The following PCDH7 variants were observed in gnomAD, a reference collection of about 807,000 sequenced individuals.
PCDH7 encodes protocadherin 7.
Under a neutral mutation model 58.9 loss-of-function variants are expected in PCDH7, and 17 were observed. The ratio of observed to expected loss-of-function variants is 0.29; its 90% confidence interval spans 0.20 to 0.43. PCDH7 has a LOEUF of 0.43. Among genes scored for constraint, PCDH7 ranks in the 20% least tolerant of loss-of-function variants. PCDH7 has a pLI of 1.00. For synonymous variants in PCDH7, 664 were observed against 616.4 expected, an observed-to-expected ratio of 1.08 and a Z score of -1.14; for missense variants, 1,274 against 1,441.0, an observed-to-expected ratio of 0.88 and a Z score of 1.88.
intron 1 of PCDH7, among the ~76,000 whole-genome samples, chr4:30,880,615 ATCT>A (rs1736843505): frequency 6.6e-6 from 1 of 152,190 alleles, no homozygotes; most frequent in Admixed American, 6.5e-5. Context: ...CAGGAGTTCT[ATCT>A]TCTTGCCTAT....
At chr4:31,015,184 T>A (rs1452883712) in intron 3 of PCDH7, among the ~76,000 whole-genome samples, 1 of 152,196 alleles carries the variant, frequency 6.6e-6, no homozygotes, top group African/African-American at 2.4e-5. Flanking sequence ...TTTCTCATAA[T>A]GGAAACAGCG....
chr4:30,728,380 C>T (rs1297369584), intron 1 of PCDH7, among the ~76,000 whole-genome samples: 4 of 151,076 alleles, frequency 2.6e-5, no homozygotes, highest in Non-Finnish European at 4.4e-5. Context: ...ACCATAGCTT[C>T]CAGTGCTCAT....
chr4:30,766,265 G>A (rs185153605), intron 1 of PCDH7, among the ~76,000 whole-genome samples: 26 of 152,222 alleles, frequency 1.7e-4, no homozygotes, highest in Admixed American at 5.9e-4. Context: ...GAAGGGTGGT[G>A]CATGCCAGAA....
chr4:30,912,932 G>A (rs1741979633), intron 1 of PCDH7, among the ~76,000 whole-genome samples: 2 of 152,020 alleles, frequency 1.3e-5, no homozygotes, highest in African/African-American at 4.8e-5. Flanking sequence ...CCGATTGTGG[G>A]ACATAATATT....
intron 1 of PCDH7, among the ~76,000 whole-genome samples, chr4:30,891,394 A>G (rs769407058): frequency 5.9e-5 from 9 of 152,076 alleles, no homozygotes; most frequent in Non-Finnish European, 1.3e-4. Flanking sequence ...TTTTTTATAC[A>G]TTATGTAGAA....
downstream of PCDH7, chr4:31,144,584 T>A (rs1021325951): frequency 6.6e-6 from 1 of 152,194 alleles, no homozygotes; most frequent in Non-Finnish European, 1.5e-5. Context: ...TAGCTTTGGG[T>A]AGTTTCATGC....
chr4:31,072,609 A>C (rs1322119479), intron 3 of PCDH7, among the ~76,000 whole-genome samples: 1 of 152,108 alleles, frequency 6.6e-6, no homozygotes, highest in Non-Finnish European at 1.5e-5. Context: ...GGGCAACTTT[A>C]AGAGTGAGGA....
chr4:30,787,406 G>A (rs537617083), intron 1 of PCDH7, among the ~76,000 whole-genome samples: 3 of 152,176 alleles, frequency 2.0e-5, no homozygotes, highest in South Asian at 4.1e-4. Flanking sequence ...CAGGGAAAGT[G>A]AGAATCTAGT....
At chr4:30,951,560 C>T (rs929280511) in intron 3 of PCDH7, among the ~76,000 whole-genome samples, 9 of 152,048 alleles carry the variant, frequency 5.9e-5, no homozygotes, top group African/African-American at 1.7e-4. Context: ...TAGGTCCCTC[C>T]GTCTGGAAGG....
rs145794842 is a variant in PCDH7, at chr4:30,825,656, G to A, written c.71-94497G>A. Among the ~76,000 whole-genome samples, 430 of 152,254 alleles carry A rather than the reference G, an allele frequency of 2.8e-3. 3 individuals carry two copies. The highest frequency in any genetic ancestry group is 9.5e-3 in the African/African-American group (396 of 41,554). On this transcript the variant is annotated intron_variant, in intron 1 of 3. Transcript: ENST00000509759. ...CATAAAAGCTCAAAGAATGCATGCA[G>A]CAATGACAAGGAATGGGTCAAAATT... is the stretch of plus-strand genomic sequence containing the variant.
chr4:31,011,339 A>T (rs140233718), intron 3 of PCDH7, among the ~76,000 whole-genome samples: 1 of 152,056 alleles, frequency 6.6e-6, no homozygotes, highest in Non-Finnish European at 1.5e-5. Context: ...AAATACGGTC[A>T]CTATTCTTGG....
intron 3 of PCDH7, among the ~76,000 whole-genome samples, chr4:31,089,416 T>C (rs1712928480): frequency 6.6e-6 from 1 of 151,982 alleles, no homozygotes; most frequent in African/African-American, 2.4e-5. Flanking sequence ...GCCAAGAAAA[T>C]TTTTTTCTTA....
chr4:30,822,049 G>A (rs1406289854), intron 1 of PCDH7, among the ~76,000 whole-genome samples: 25 of 152,050 alleles, frequency 1.6e-4, no homozygotes, highest in Non-Finnish European at 7.4e-5. Flanking sequence ...CAAACGATCG[G>A]TATCTCAGAT....
intron 1 of PCDH7, among the ~76,000 whole-genome samples, chr4:30,911,485 G>C (rs1009080275): frequency 6.6e-6 from 1 of 152,088 alleles, no homozygotes; most frequent in African/African-American, 2.4e-5. Context: ...TACAGAAAAA[G>C]TTTGCCAGAC....
Position 30,935,943 on chromosome 4 carries a change from G to A in PCDH7, c.288-14177G>A, listed in dbSNP as rs574554128. Among the ~76,000 whole-genome samples, 3 of 152,026 alleles carry A rather than the reference G, an allele frequency of 2.0e-5. No homozygotes were observed. In the East Asian group the frequency reaches 5.8e-4, roughly 29 times the overall value. On this transcript the variant is annotated intron_variant, in intron 2 of 3. Coordinates refer to the PCDH7 transcript ENST00000509759. The stretch of plus-strand genomic sequence containing the variant: ...AAAGGCTTCATGAAGTAATCTAAAG[G>A]CACCACGTCATCACAGTGTCAGAGA...
At chr4:31,090,183 G>C (rs923849770) in intron 3 of PCDH7, among the ~76,000 whole-genome samples, 2 of 151,992 alleles carry the variant, frequency 1.3e-5, no homozygotes, top group Non-Finnish European at 2.9e-5. Context: ...CCTAATGAGA[G>C]AGGATCCTTG....
chr4:31,058,986 C>G (rs1187476851), intron 3 of PCDH7, among the ~76,000 whole-genome samples: 1 of 151,984 alleles, frequency 6.6e-6, no homozygotes, highest in African/African-American at 2.4e-5. Flanking sequence ...AAGTCATAGG[C>G]TCTAATTCAA....
At chr4:30,922,647 T>C (rs1375888278) in intron 2 of PCDH7, among the ~76,000 whole-genome samples, 2 of 152,154 alleles carry the variant, frequency 1.3e-5, no homozygotes, top group African/African-American at 4.8e-5. Context: ...CTTTTAATTC[T>C]TTTTTAGAAC....
At chr4:30,933,407 G>A (rs1333570880) in intron 2 of PCDH7, among the ~76,000 whole-genome samples, 1 of 152,082 alleles carries the variant, frequency 6.6e-6, no homozygotes. Flanking sequence ...AAAACACATT[G>A]CTTTTGCTCC....
Sources: allele counts gnomAD v4.1 joint callset (sites outside exome capture counted in the v4.1 genomes callset), GRCh38; gene constraint gnomAD v4.1.1; transcripts MANE v1.5; gene names NCBI Gene and HGNC (gene_info 2026-07-23, HGNC 2026-07-21).